Variants in SLC6A18 observed in about 807,000 individuals in gnomAD.
SLC6A18 encodes solute carrier family 6 member 18, also known as inactive sodium-dependent neutral amino acid transporter B(0)AT3.
A neutral mutation model predicts 62.9 loss-of-function variants in SLC6A18; 58 were observed. That is an observed-to-expected ratio of 0.92 (90% CI 0.75 to 1.15). The LOEUF is 1.15. Among genes scored for constraint, SLC6A18 ranks in the 50% most tolerant of loss-of-function variants. The pLI, the probability that SLC6A18 is intolerant of heterozygous loss-of-function variation, is 0.00. For missense variants in SLC6A18, 793 were observed against 836.6 expected, an observed-to-expected ratio of 0.95 and a Z score of 0.64; for synonymous variants, 382 against 365.8, an observed-to-expected ratio of 1.04 and a Z score of -0.51.
rs1746929783 is a variant in SLC6A18 at position 1,238,029 on chromosome 5, C to T, written c.701C>T (p.Thr234Ile). 2 of 1,614,056 alleles carry T rather than the reference C, an allele frequency of 1.2e-6. No homozygotes were observed. Among genetic ancestry groups the T allele is most frequent in the East Asian group, 2.2e-5 (1 of 44,898 alleles). Residue 234 changes from threonine (T) to isoleucine (I), a missense_variant, in exon 5 of 12, where the codon ACA becomes ATA. By Grantham distance (89) the Thr-to-Ile change is moderately conservative. Coordinates refer to ENST00000324642, the MANE Select transcript of SLC6A18 (RefSeq NM_182632.3). ...AGAGGGCTGACCCTGCCAGGGGCAA[C>T]AAAAGGACTCATCTACTTGTTCACT... ...LIRGLTLPGA[T>I]KGLIYLFTPN... is the part of the protein sequence containing the mutation.
rs910558211 is a variant in SLC6A18, at chr5:1,233,988, G to A, written c.439+1100G>A. ...GATCTCCTGACCTCGTGATCCGCCT[G>A]CCTCGGCCTCCCAAAGTGCTGGGAT... is the stretch of plus-strand genomic sequence containing the variant. On this transcript the variant is annotated intron_variant, in intron 3 of 11. Coordinates refer to ENST00000324642, the MANE Select transcript of SLC6A18 (RefSeq NM_182632.3). 3.3e-5 allele frequency among the ~76,000 whole-genome samples: 5 copies of A among 152,256 alleles called. No individual in the cohort carries two copies. The East Asian group carries it at 5.8e-4, about 18-fold the overall frequency.
chr5:1,242,421 G>A (rs1274839095), intron 7 of SLC6A18, among the ~76,000 whole-genome samples: 3 of 80,602 alleles, frequency 3.7e-5, no homozygotes, highest in African/African-American at 1.6e-4. Context: ...GGCAGGAGGC[G>A]TCCACACGAT....
In SLC6A18 at chr5:1,245,896, G is replaced by A. The variant is rs761130806; in HGVS notation, c.1705G>A (p.Ala569Thr). Residue 569 changes from alanine (A) to threonine (T), a missense_variant, in exon 12 of 12, where the codon GCC becomes ACC. Physicochemically the swap from Ala to Thr is moderately conservative, Grantham distance 58. Coordinates refer to ENST00000324642, the MANE Select transcript of SLC6A18 (RefSeq NM_182632.3). ...QEKLYPGWARAACVLLSLLPV... is the reference protein window; with the variant it reads ...QEKLYPGWARTACVLLSLLPV... ...GAAGCTCTACCCGGGCTGGGCGCGC[G>A]CCGCCTGTGTGCTGCTGTCCTTGCT... The A allele has an allele frequency of 3.7e-6, 6 of 1,607,456 alleles. No individual in the cohort carries two copies. The African/African-American group carries it at 4.0e-5, about 11-fold the overall frequency.
Position 1,243,341 on chromosome 5 carries a change from A to T in SLC6A18, c.1132-214A>T, listed in dbSNP as rs1222161416. Reference sequence around the variant, plus strand: ...TAGGCCCAGCTGCCTGCTGTGGGTTATTAAAGGGGAAGGACCCTCCCCTGC... The same window carrying T: ...TAGGCCCAGCTGCCTGCTGTGGGTTTTTAAAGGGGAAGGACCCTCCCCTGC... On this transcript the variant is annotated intron_variant, in intron 8 of 11. Transcript: ENST00000324642. The surrounding 1 kb of genome is among the most constrained non-coding windows in gnomAD (Gnocchi z 6.5). Among the ~76,000 whole-genome samples, 1 of 152,142 alleles carries T rather than the reference A, an allele frequency of 6.6e-6. No individual in the cohort carries two copies. The highest frequency in any genetic ancestry group is 2.4e-5 in the African/African-American group (1 of 41,428).
intron 10 of SLC6A18, 54 bp from the exon 11 acceptor site, chr5:1,244,554 A>C: frequency 6.4e-7 from 1 of 1,555,858 alleles, no homozygotes; most frequent in Non-Finnish European, 8.7e-7. Flanking sequence ...CTCGGCTTGG[A>C]GTGGGTGGAC....
Position 1,243,776 on chromosome 5 carries a change from G to C in SLC6A18, c.1336+17G>C, listed in dbSNP as rs143776496. On this transcript the variant is annotated intron_variant, in intron 9 of 11. Coordinates refer to ENST00000324642, the MANE Select transcript of SLC6A18 (RefSeq NM_182632.3). The surrounding 1 kb of genome is among the most constrained non-coding windows in gnomAD (Gnocchi z 6.5). ...CCCTGACTGGTGAGCGCACAGCTCC[G>C]CCGCCCTGGAGGACCCGTCCCCAGC... is the stretch of plus-strand genomic sequence containing the variant. 10,757 of 1,577,442 alleles carry C rather than the reference G, an allele frequency of 6.8e-3. 37 individuals carry two copies. The highest frequency in any genetic ancestry group is 8.3e-3 in the Non-Finnish European group (9,604 of 1,161,022).
intron 11 of SLC6A18, 48 bp downstream of exon 11, chr5:1,244,815 T>C: frequency 6.4e-7 from 1 of 1,560,848 alleles, no homozygotes; most frequent in Non-Finnish European, 8.7e-7. Flanking sequence ...CCCCTCGGGC[T>C]TGGTCTGGCC....
At chr5:1,232,999 G>T in intron 3 of SLC6A18, 111 bp downstream of exon 3, 6 of 1,458,518 alleles carry the variant, frequency 4.1e-6, no homozygotes, top group Non-Finnish European at 5.5e-6. Flanking sequence ...ACCGCGGGGG[G>T]AGGGCCGGGG....
At chr5:1,232,046 G>A (rs1041826927) in intron 1 of SLC6A18, among the ~76,000 whole-genome samples, 173 bp from the exon 2 acceptor site, 1 of 152,204 alleles carries the variant, frequency 6.6e-6, no homozygotes, top group Non-Finnish European at 1.5e-5. Context: ...AAAATCAGAG[G>A]CAGGGTTTGG....
rs372478810 is a variant in SLC6A18, at chr5:1,244,213, G to A, written c.1337-1G>A. ...CCCACACCCCTTTCCCACTGCCCCA[G>A]GGCTGGTCTGCCTGGTCTGCTTCCT... On this transcript the variant is annotated splice_acceptor_variant, in intron 9 of 11. Transcript: ENST00000324642. LOFTEE classifies it high-confidence loss of function. 20 of 1,148,378 alleles carry A rather than the reference G, an allele frequency of 1.7e-5. No homozygotes were observed. In the African/African-American group the frequency reaches 2.9e-4, roughly 17 times the overall value. The allele number at this position is 1,148,378 out of a possible 1,614,324, so 71.1% of individuals were successfully genotyped here. A position where few individuals can be genotyped will look rare whatever the true frequency, so the allele number is the denominator to read the frequency against.
Position 1,231,937 on chromosome 5 carries a change from A to C in SLC6A18, c.161-282A>C, listed in dbSNP as rs148017954. On this transcript the variant is annotated intron_variant, in intron 1 of 11. Coordinates refer to ENST00000324642, the MANE Select transcript of SLC6A18 (RefSeq NM_182632.3). ...CAAACGCAACACAGGGGTCACGCTT[A>C]GACCCCAAGTCCTAGTCCAGGGCCG... Among the ~76,000 whole-genome samples the C allele has an allele frequency of 3.6e-3, 548 of 152,338 alleles. 2 individuals are homozygous for C. The highest frequency in any genetic ancestry group is 0.012 in the African/African-American group (516 of 41,586).
chr5:1,238,336 GC>G (rs1221898777), intron 5 of SLC6A18, among the ~76,000 whole-genome samples: 3 of 125,100 alleles, frequency 2.4e-5, no homozygotes, highest in East Asian at 2.0e-4. Flanking sequence ...TTTGGAGTGA[GC>G]CTGGGGCCTC....
In SLC6A18 at chr5:1,243,049, T is replaced by C. The variant is rs941702036; in HGVS notation, c.1131+186T>C. 6.6e-6 allele frequency among the ~76,000 whole-genome samples: 1 copy of C among 152,188 alleles called. No homozygotes were observed. The highest frequency in any genetic ancestry group is 6.5e-5 in the Admixed American group (1 of 15,290). ...AGGCCTCCTGGAAAGCCCGAAGTCC[T>C]GGGGGCAGCTGTGTCCAGCAGACGC... On this transcript the variant is annotated intron_variant, in intron 8 of 11. Coordinates refer to ENST00000324642, the MANE Select transcript of SLC6A18 (RefSeq NM_182632.3). This position sits in a 1 kb window ranked among gnomAD's most constrained non-coding sequence, Gnocchi z 6.5.
intron 1 of SLC6A18, among the ~76,000 whole-genome samples, chr5:1,230,360 G>T (rs993686805): frequency 2.6e-5 from 4 of 152,130 alleles, no homozygotes; most frequent in Non-Finnish European, 4.4e-5. Flanking sequence ...GTTCCCTTTT[G>T]CTCCAGGCCC....
Position 1,232,354 on chromosome 5 carries a change from G to T in SLC6A18, c.296G>T (p.Gly99Val), listed in dbSNP as rs201483137. The change falls in exon 2 of 12, where the codon GGA becomes GTA. Residue 99 changes from glycine (G) to valine (V), a missense_variant. Transcript: ENST00000324642. ...VWTAISPYLS[G>V]VGLGCVTLSF... ...ACGGCCATCTCCCCGTACCTCAGTG[G>T]AGTAGGTAGGCCACCGTCCTCGCTT... The T allele has an allele frequency of 6.2e-6, 10 of 1,610,034 alleles. No homozygotes were observed. The highest frequency in any genetic ancestry group is 1.3e-5 in the African/African-American group (1 of 75,016).
chr5:1,231,352 A>G (rs1168014986), intron 1 of SLC6A18, among the ~76,000 whole-genome samples: 1 of 152,032 alleles, frequency 6.6e-6, no homozygotes, highest in African/African-American at 2.4e-5. Context: ...CACCCCCATC[A>G]TGGCACTGGA....
rs1018732974 is a variant in SLC6A18, at chr5:1,232,078, G to A, written c.161-141G>A. ...TTGGCAACCCAACAGTGCCCCAAGG[G>A]TGTCTCCACCACCCAAGTGGTGCCC... On this transcript the variant is annotated intron_variant, in intron 1 of 11. Coordinates refer to ENST00000324642, the MANE Select transcript of SLC6A18 (RefSeq NM_182632.3). The A allele has an allele frequency of 4.2e-6, 3 of 722,216 alleles. No homozygotes were observed. The African/African-American group carries it at 5.3e-5, about 13-fold the overall frequency. The allele number at this position is 722,216 out of a possible 1,614,324, so 44.7% of individuals were successfully genotyped here. A position where few individuals can be genotyped will look rare whatever the true frequency, so the allele number is the denominator to read the frequency against.
chr5:1,244,085 C>T (rs1267501523), intron 9 of SLC6A18, 129 bp from the exon 10 acceptor site: 10 of 760,598 alleles, frequency 1.3e-5, no homozygotes, highest in Middle Eastern at 3.8e-4. Context: ...CGAGAGAAGT[C>T]TCCAGCCCAG....
At chr5:1,229,141 C>T (rs1055420316) in intron 1 of SLC6A18, among the ~76,000 whole-genome samples, 7 of 152,294 alleles carry the variant, frequency 4.6e-5, no homozygotes, top group Admixed American at 2.0e-4. Flanking sequence ...AGTCTACATA[C>T]GGCTTTAATG....
Sources: allele counts gnomAD v4.1 joint callset (sites outside exome capture counted in the v4.1 genomes callset), GRCh38; gene constraint gnomAD v4.1.1; non-coding constraint Gnocchi (gnomAD v3.1); transcripts MANE v1.5; gene names NCBI Gene and HGNC (gene_info 2026-07-23, HGNC 2026-07-21).